FBRSL1: variants seen among roughly 807,000 people sequenced by gnomAD.
FBRSL1 encodes the protein fibrosin-1-like protein.
A neutral mutation model predicts 89.6 loss-of-function variants in FBRSL1; 51 were observed. The ratio of observed to expected loss-of-function variants is 0.57; its 90% CI spans 0.45 to 0.72. The LOEUF is 0.72. FBRSL1 is among the 30% of genes least tolerant of loss of function. The pLI is 0.00. For missense variants in FBRSL1, 1,618 were observed against 1,451.8 expected (o/e 1.11, Z -1.86); for synonymous variants, 779 against 681.1 (o/e 1.14, Z -2.24).
chr12:132,497,066 C>T (rs73486474), intron 1 of FBRSL1, among the ~76,000 whole-genome samples: 39,837 of 152,216 alleles, frequency 0.26, 5,360 homozygotes, highest in Middle Eastern at 0.33. Flanking sequence ...CACCCTGTTT[C>T]TAGTAAAGTT....
In FBRSL1 at chr12:132,583,835, A is replaced by G; in HGVS notation, c.*57A>G. On this transcript the variant is annotated 3_prime_UTR_variant, in exon 19 of 19. Transcript: ENST00000680143. ...GCGCACCGCTGTCCGTCTCTCCATCAGTTCCTAGAACTCAAGCACAGCTCC... is the reference window on the plus strand; with the variant it reads ...GCGCACCGCTGTCCGTCTCTCCATCGGTTCCTAGAACTCAAGCACAGCTCC... The G allele has an allele frequency of 9.6e-6, 10 of 1,040,678 alleles. No homozygotes were observed. The highest frequency in any genetic ancestry group is 1.2e-5 in the Non-Finnish European group (10 of 834,100). 64.5% of individuals were successfully genotyped at this position (1,040,678 alleles called of 1,614,324 possible).
intron 4 of FBRSL1, among the ~76,000 whole-genome samples, chr12:132,530,999 G>GC (rs1274482125): frequency 1.3e-5 from 2 of 150,342 alleles, no homozygotes; most frequent in Non-Finnish European, 3.0e-5. Flanking sequence ...CAGTGTGGGG[G>GC]GGGGGGTGCA....
At chr12:132,549,872 A>G (rs955509810) in intron 5 of FBRSL1, among the ~76,000 whole-genome samples, 1 of 152,158 alleles carries the variant, frequency 6.6e-6, no homozygotes, top group Non-Finnish European at 1.5e-5. Flanking sequence ...CGAGGGGTCC[A>G]TGGGAGAGCA....
At chr12:132,505,735 G>A (rs1223035234) in intron 1 of FBRSL1, among the ~76,000 whole-genome samples, 1 of 152,218 alleles carries the variant, frequency 6.6e-6, no homozygotes, top group Admixed American at 6.5e-5. Flanking sequence ...TGGCGTTGCT[G>A]TGGGGCCTCT....
intron 6 of FBRSL1, among the ~76,000 whole-genome samples, chr12:132,568,605 C>T (rs1254738517): frequency 2.0e-5 from 3 of 152,386 alleles, no homozygotes; most frequent in South Asian, 2.1e-4. Context: ...CAGGAGGCCC[C>T]GCACGTGGGG....
intron 2 of FBRSL1, among the ~76,000 whole-genome samples, chr12:132,518,530 GCATCCATC>G (rs1421786197): frequency 5.4e-4 from 72 of 132,412 alleles, no homozygotes; most frequent in African/African-American, 2.1e-3. Context: ...ATGCATGCAT[GCATCCATC>G]CATCCATCCA....
Position 132,583,359 on chromosome 12 carries a change from G to T in FBRSL1, c.2590G>T (p.Ala864Ser). The part of the protein sequence containing the change: ...PFRGLELPRR[A>S]FPAAAPAPGS... ...CCGCGGCCTGGAGCTGCCACGTCGCGCCTTCCCCGCTGCCGCCCCCGCCCC... is the reference window on the plus strand; with the variant it reads ...CCGCGGCCTGGAGCTGCCACGTCGCTCCTTCCCCGCTGCCGCCCCCGCCCC... The change falls in exon 19 of 19, where the codon GCC (alanine) becomes TCC (serine). Residue 864 changes from alanine to serine, a missense_variant. By Grantham distance (99) the Ala-to-Ser change is moderately conservative. Transcript: ENST00000680143. 8.8e-7 allele frequency: 1 copy of T among 1,132,180 alleles called. No individual in the cohort carries two copies. The highest frequency in any genetic ancestry group is 2.8e-5 in the South Asian group (1 of 36,116). 70.1% of individuals were successfully genotyped at this position (1,132,180 alleles called of 1,614,324 possible).
intron 2 of FBRSL1, 27 bp from the exon 3 acceptor site, chr12:132,525,707 C>A: frequency 6.5e-7 from 1 of 1,532,320 alleles, no homozygotes; most frequent in Non-Finnish European, 8.8e-7. Context: ...GGGGGTTTGC[C>A]TGAGACAGTG....
intron 5 of FBRSL1, among the ~76,000 whole-genome samples, chr12:132,558,498 T>C (rs1248667695): frequency 6.6e-6 from 1 of 152,106 alleles, no homozygotes; most frequent in Non-Finnish European, 1.5e-5. Flanking sequence ...GCGCGTGCCG[T>C]TTTCATGGCA....
At chr12:132,505,562 C>T (rs1302425383) in intron 1 of FBRSL1, among the ~76,000 whole-genome samples, 5 of 152,210 alleles carry the variant, frequency 3.3e-5, no homozygotes, top group African/African-American at 9.6e-5. Flanking sequence ...TTGGACGGGA[C>T]GCTGTATGGT....
chr12:132,571,730 T>C, intron 9 of FBRSL1: 1 of 376,032 alleles, frequency 2.7e-6, no homozygotes, highest in Non-Finnish European at 4.7e-6. Flanking sequence ...CCCTCGGCAG[T>C]GGTCCTGGAC....
At position 132,508,216 on chromosome 12, in the gene FBRSL1, C is replaced by T. The variant is rs1001048935; in HGVS notation, c.355C>T (p.Pro119Ser). The stretch of plus-strand genomic sequence containing the variant: ...GTGGGAGCGTCGTCTCATCAAGAAG[C>T]CCCGGGAGTCGGAAACCTGCCCCCC... ...EKWERRLIKK[P>S]RESETCPPAE... Residue 119 changes from proline (P) to serine (S), a missense_variant, in exon 2 of 19, where the codon CCC becomes TCC. Transcript: ENST00000680143. The T allele has an allele frequency of 3.9e-6, 6 of 1,551,202 alleles. No individual in the cohort carries two copies. The highest frequency in any genetic ancestry group is 1.2e-5 in the South Asian group (1 of 84,062).
At chr12:132,566,814 G>A (rs1008825051) in intron 5 of FBRSL1, among the ~76,000 whole-genome samples, 1 of 152,136 alleles carries the variant, frequency 6.6e-6, no homozygotes, top group Non-Finnish European at 1.5e-5. Flanking sequence ...CAGGCCTAGA[G>A]CTTGGCCAGT....
intron 4 of FBRSL1, among the ~76,000 whole-genome samples, chr12:132,535,316 T>C (rs557927909): frequency 6.6e-6 from 1 of 152,356 alleles, no homozygotes; most frequent in East Asian, 1.9e-4. Flanking sequence ...GGCTCATTAA[T>C]TATTCTGGCC....
intron 4 of FBRSL1, among the ~76,000 whole-genome samples, chr12:132,531,000 G>A (rs1041242947): frequency 2.0e-5 from 3 of 150,772 alleles, no homozygotes; most frequent in East Asian, 2.0e-4. Flanking sequence ...AGTGTGGGGG[G>A]GGGGGTGCAG....
intron 2 of FBRSL1, chr12:132,509,624 C>A: frequency 8.1e-7 from 1 of 1,232,040 alleles, no homozygotes; most frequent in Non-Finnish European, 1.0e-6. Context: ...CCCTCCTGGT[C>A]CCCTGCCTCT....
intron 4 of FBRSL1, among the ~76,000 whole-genome samples, chr12:132,543,975 G>A (rs1248856243): frequency 6.6e-6 from 1 of 152,160 alleles, no homozygotes; most frequent in Non-Finnish European, 1.5e-5. Flanking sequence ...TGAGTGGTCT[G>A]GAACCCCTGT....
At chr12:132,509,699 G>C in intron 2 of FBRSL1, 1 of 1,231,574 alleles carries the variant, frequency 8.1e-7, no homozygotes, top group Non-Finnish European at 1.0e-6. Context: ...GGTCCCTGCT[G>C]ACCCTGTGGC....
intron 1 of FBRSL1, among the ~76,000 whole-genome samples, chr12:132,500,919 G>T (rs969194475): frequency 6.6e-6 from 1 of 152,196 alleles, no homozygotes; most frequent in African/African-American, 2.4e-5. Context: ...CAGGCCTCTG[G>T]CTGTCCTCGG....
Sources: allele counts gnomAD v4.1 joint callset (sites outside exome capture counted in the v4.1 genomes callset), GRCh38; gene constraint gnomAD v4.1.1; transcripts MANE v1.5; gene names NCBI Gene and HGNC (gene_info 2026-07-23, HGNC 2026-07-21).